The following GRIK2 variants were observed in gnomAD, a reference collection of about 807,000 sequenced individuals.
GRIK2 encodes the protein glutamate ionotropic receptor kainate type subunit 2, also known as glutamate receptor ionotropic, kainate 2.
A neutral mutation model predicts 100.3 loss-of-function variants in GRIK2; 32 were observed. The observed-to-expected ratio is 0.32, with a 90% CI of 0.24 to 0.43. The LOEUF is 0.43. Ranked by LOEUF, GRIK2 falls within the 20% of genes least tolerant of loss-of-function variation. GRIK2 has a pLI of 1.00. For synonymous variants in GRIK2, 417 were observed against 389.4 expected (o/e 1.07, Z -0.83); for missense variants, 843 against 1,114.9 (o/e 0.76, Z 3.47).
chr6:101,607,253 C>T (rs897109482), intron 2 of GRIK2, among the ~76,000 whole-genome samples: 1 of 151,906 alleles, frequency 6.6e-6, no homozygotes, highest in Non-Finnish European at 1.5e-5. Flanking sequence ...CTGTGTGAAG[C>T]GTTATATGGG....
intron 2 of GRIK2, among the ~76,000 whole-genome samples, chr6:101,547,022 G>A (rs1047112131): frequency 6.7e-6 from 1 of 149,814 alleles, no homozygotes; most frequent in Non-Finnish European, 1.5e-5. Context: ...TAGTAGAGAC[G>A]GGGTTTCACC....
chr6:101,444,026 A>G (rs1770229166), intron 2 of GRIK2, among the ~76,000 whole-genome samples: 1 of 151,724 alleles, frequency 6.6e-6, no homozygotes, highest in Non-Finnish European at 1.5e-5. Flanking sequence ...CTCAGACTAC[A>G]GGTATGCACT....
chr6:101,603,817 G>A (rs117326854), intron 2 of GRIK2, among the ~76,000 whole-genome samples: 197 of 151,792 alleles, frequency 1.3e-3, no homozygotes, highest in Non-Finnish European at 2.3e-3. Flanking sequence ...ATGAGCTGGG[G>A]CTTTAACAAC....
At chr6:101,707,480 AAT>A (rs948589977) in intron 7 of GRIK2, among the ~76,000 whole-genome samples, 11 of 146,102 alleles carry the variant, frequency 7.5e-5, no homozygotes, top group South Asian at 2.1e-4. Flanking sequence ...ATAATATATA[AAT>A]ATATATATAA....
At chr6:101,652,330 CT>C in intron 4 of GRIK2, among the ~76,000 whole-genome samples, 1 of 152,248 alleles carries the variant, frequency 6.6e-6, no homozygotes, top group Non-Finnish European at 1.5e-5. Context: ...CACTCTCCTT[CT>C]ATCTGTGAGG....
At chr6:101,629,783 T>C (rs1780635651) in intron 4 of GRIK2, among the ~76,000 whole-genome samples, 1 of 152,084 alleles carries the variant, frequency 6.6e-6, no homozygotes, top group Non-Finnish European at 1.5e-5. Context: ...TATTGCATGA[T>C]GCTGAGCATT....
intron 11 of GRIK2, among the ~76,000 whole-genome samples, chr6:101,861,496 G>A (rs564392937): frequency 2.1e-4 from 32 of 152,118 alleles, no homozygotes; most frequent in Non-Finnish European, 4.3e-4. Context: ...TGACCTATAT[G>A]TTGTGAATGG....
At chr6:101,656,469 A>T (rs775872991) in intron 4 of GRIK2, among the ~76,000 whole-genome samples, 3 of 152,130 alleles carry the variant, frequency 2.0e-5, no homozygotes, top group Non-Finnish European at 4.4e-5. Flanking sequence ...ACAAGGCTAG[A>T]CTTTTCATTT....
At chr6:101,459,655 A>G (rs552661908) in intron 2 of GRIK2, among the ~76,000 whole-genome samples, 91 of 152,312 alleles carry the variant, frequency 6.0e-4, no homozygotes, top group African/African-American at 2.1e-3. Flanking sequence ...TTTTTCAACA[A>G]TATTGGACCA....
At chr6:101,523,481 A>C (rs1416612607) in intron 2 of GRIK2, among the ~76,000 whole-genome samples, 3 of 152,164 alleles carry the variant, frequency 2.0e-5, no homozygotes, top group African/African-American at 7.2e-5. Context: ...TGGATCATGA[A>C]CTGTATCTTA....
intron 4 of GRIK2, among the ~76,000 whole-genome samples, chr6:101,642,793 A>C (rs1030983644): frequency 4.0e-5 from 6 of 151,592 alleles, no homozygotes; most frequent in African/African-American, 1.5e-4. Context: ...TCTCTGTTGA[A>C]CTTTTTGAGG....
chr6:101,585,660 G>C (rs1362144533), intron 2 of GRIK2, among the ~76,000 whole-genome samples: 1 of 152,082 alleles, frequency 6.6e-6, no homozygotes, highest in Non-Finnish European at 1.5e-5. Context: ...AAGAGTATAA[G>C]TGACCATGGA....
chr6:101,790,527 T>C (rs377454117), intron 7 of GRIK2, among the ~76,000 whole-genome samples: 1 of 147,454 alleles, frequency 6.8e-6, no homozygotes, highest in Non-Finnish European at 1.5e-5. Flanking sequence ...TTGCGTATAT[T>C]GAACCAGCCT....
intron 7 of GRIK2, among the ~76,000 whole-genome samples, chr6:101,731,573 T>C (rs568656782): frequency 1.3e-5 from 2 of 151,760 alleles, no homozygotes; most frequent in Non-Finnish European, 2.9e-5. Context: ...ACAGAATAGA[T>C]AATAGTGTTT....
rs910125182 is a variant in GRIK2, at chr6:101,611,399, C to T, written c.116-10550C>T. ...AAGATGTATGCAAGTGGACCTTTAA[C>T]GTCTTCTCTAGTTGAAGAACTGCAG... On this transcript the variant is annotated intron_variant, in intron 2 of 16. Coordinates refer to ENST00000369134, the MANE Select transcript of GRIK2 (RefSeq NM_021956.5). Among the ~76,000 whole-genome samples, 3 of 151,920 alleles carry T rather than the reference C, an allele frequency of 2.0e-5. No individual in the cohort carries two copies. In the East Asian group the frequency reaches 5.8e-4, roughly 30 times the overall value.
At chr6:102,003,327 T>C (rs997223141) in intron 14 of GRIK2, among the ~76,000 whole-genome samples, 6 of 151,650 alleles carry the variant, frequency 4.0e-5, no homozygotes, top group African/African-American at 1.4e-4. Context: ...TGCGAGTGCA[T>C]ATATACACGC....
intron 14 of GRIK2, among the ~76,000 whole-genome samples, chr6:101,994,178 T>C (rs1349234129): frequency 6.6e-6 from 1 of 151,116 alleles, no homozygotes; most frequent in Non-Finnish European, 1.5e-5. Flanking sequence ...TAGATTATTG[T>C]ATAATTGGAC....
intron 10 of GRIK2, among the ~76,000 whole-genome samples, chr6:101,852,606 A>C (rs533052546): frequency 6.6e-6 from 1 of 152,290 alleles, no homozygotes; most frequent in African/African-American, 2.4e-5. Context: ...TGCCGAGTAA[A>C]TCGCTCAAGT....
chr6:101,523,509 GA>G (rs1774989812), intron 2 of GRIK2, among the ~76,000 whole-genome samples: 1 of 152,192 alleles, frequency 6.6e-6, no homozygotes, highest in South Asian at 2.1e-4. Context: ...GAATATCCAG[GA>G]AAATTTTATG....
Sources: allele counts gnomAD v4.1 joint callset (sites outside exome capture counted in the v4.1 genomes callset), GRCh38; gene constraint gnomAD v4.1.1; transcripts MANE v1.5; gene names NCBI Gene and HGNC (gene_info 2026-07-23, HGNC 2026-07-21).